NALF1: variants seen among roughly 807,000 people sequenced by gnomAD.
NALF1 encodes NALCN channel auxiliary factor 1.
Under a neutral mutation model 48.4 loss-of-function variants are expected in NALF1, and 3 were observed. The observed-to-expected ratio is 0.06, with a 90% confidence interval of 0.03 to 0.16. The LOEUF is 0.16. Among genes scored for constraint, NALF1 ranks in the 10% least tolerant of loss-of-function variants. NALF1 has a pLI of 1.00. For missense variants in NALF1, 526 were observed against 571.5 expected (o/e 0.92, Z 0.81); for synonymous variants, 262 against 245.7 (o/e 1.07, Z -0.62).
chr13:107,609,108 C>T lies in NALF1; in HGVS notation c.915+256574G>A, dbSNP rs972507119. Reference sequence around the variant, plus strand: ...CCCTGCCGTTGGTATAGCTGGTGCCCCAAAACTTCCACCTCCCTCCCTGGC... The same window carrying T: ...CCCTGCCGTTGGTATAGCTGGTGCCTCAAAACTTCCACCTCCCTCCCTGGC... On this transcript the variant is annotated intron_variant, in intron 1 of 2. Transcript: ENST00000375915. Among the ~76,000 whole-genome samples, 5 of 151,560 alleles carry T rather than the reference C, an allele frequency of 3.3e-5. No individual in the cohort carries two copies. In the South Asian group the frequency reaches 6.3e-4, roughly 19 times the overall value.
intron 1 of NALF1, among the ~76,000 whole-genome samples, chr13:107,722,481 G>C (rs892597377): frequency 6.6e-6 from 1 of 152,156 alleles, no homozygotes; most frequent in Admixed American, 6.5e-5. Flanking sequence ...TGGCCACCTT[G>C]TCTTGGGTGT....
At chr13:107,226,912 C>A (rs1477952674) in intron 1 of NALF1, among the ~76,000 whole-genome samples, 1 of 152,210 alleles carries the variant, frequency 6.6e-6, no homozygotes, top group Non-Finnish European at 1.5e-5. Context: ...AGAACTGATG[C>A]GCCCAGACAT....
chr13:107,849,677 T>G (rs1251143151), intron 1 of NALF1, among the ~76,000 whole-genome samples: 2 of 152,188 alleles, frequency 1.3e-5, no homozygotes, highest in Non-Finnish European at 2.9e-5. Flanking sequence ...ACCTTGGAAG[T>G]CCCAGAACAT....
intron 1 of NALF1, among the ~76,000 whole-genome samples, chr13:107,518,454 A>G (rs946355569): frequency 1.3e-5 from 2 of 152,220 alleles, no homozygotes; most frequent in East Asian, 3.9e-4. Flanking sequence ...CTTAAAAAGA[A>G]AGGAGCTCTC....
intron 1 of NALF1, among the ~76,000 whole-genome samples, chr13:107,623,626 A>G (rs1050208594): frequency 5.3e-5 from 8 of 152,202 alleles, no homozygotes; most frequent in Admixed American, 2.6e-4. Flanking sequence ...CATTGCCCAA[A>G]TCATATGTAG....
intron 1 of NALF1, among the ~76,000 whole-genome samples, chr13:107,642,994 G>A (rs1042793148): frequency 1.3e-5 from 2 of 152,128 alleles, no homozygotes; most frequent in African/African-American, 4.8e-5. Context: ...GCAGGCAGAT[G>A]GCACATATCA....
chr13:107,816,945 CTTTTCCTTTTTATACAT>C lies in NALF1; in HGVS notation c.915+48720_915+48736del, dbSNP rs1160144354. Among the ~76,000 whole-genome samples the C allele has an allele frequency of 5.9e-5, 9 of 152,232 alleles. 1 individual carries two copies. In the East Asian group the frequency reaches 1.7e-3, roughly 29 times the overall value. On this transcript the variant is annotated intron_variant, in intron 1 of 2. Coordinates refer to ENST00000375915, the MANE Select transcript of NALF1 (RefSeq NM_001080396.3). ...TTCCAACTTCATTTTATCATTTCACCTTTTCCTTTTTATACATATGGATTTTGGAGAATTTAATATAA... is the reference window on the plus strand; with the variant it reads ...TTCCAACTTCATTTTATCATTTCACCATGGATTTTGGAGAATTTAATATAA...
rs562871968 is a variant in NALF1, at chr13:107,779,671, C to T, written c.915+86011G>A. ...TCTGCCTTTTAAACTAAGTTTGACA[C>T]TGAATTTTCATACATTAAGCTGAGA... On this transcript the variant is annotated intron_variant, in intron 1 of 2. Coordinates refer to ENST00000375915, the MANE Select transcript of NALF1 (RefSeq NM_001080396.3). Among the ~76,000 whole-genome samples the T allele has an allele frequency of 6.5e-4, 99 of 151,986 alleles. 1 individual carries two copies. The highest frequency in any genetic ancestry group is 2.1e-3 in the African/African-American group (87 of 41,444).
chr13:107,209,782 A>T (rs1364884391), intron 2 of NALF1, among the ~76,000 whole-genome samples: 1 of 152,152 alleles, frequency 6.6e-6, no homozygotes, highest in Non-Finnish European at 1.5e-5. Flanking sequence ...AGCTTGAGCC[A>T]CGTAATTCCA....
At chr13:107,659,388 T>G (rs1048776399) in intron 1 of NALF1, among the ~76,000 whole-genome samples, 1 of 152,168 alleles carries the variant, frequency 6.6e-6, no homozygotes, top group African/African-American at 2.4e-5. Flanking sequence ...AAGTAGCATG[T>G]CTTCCACATT....
chr13:107,218,649 A>T (rs1879928261), intron 1 of NALF1, among the ~76,000 whole-genome samples: 1 of 152,232 alleles, frequency 6.6e-6, no homozygotes, highest in Non-Finnish European at 1.5e-5. Context: ...AAAACTAAAG[A>T]AATAAATTTT....
intron 1 of NALF1, among the ~76,000 whole-genome samples, chr13:107,426,048 T>G (rs1884274128): frequency 6.6e-6 from 1 of 152,200 alleles, no homozygotes; most frequent in East Asian, 1.9e-4. Context: ...CTCAGGACCT[T>G]ACTCGCTGCT....
At chr13:107,843,735 C>A (rs2138636937) in intron 1 of NALF1, among the ~76,000 whole-genome samples, 1 of 151,992 alleles carries the variant, frequency 6.6e-6, no homozygotes, top group Non-Finnish European at 1.5e-5. Flanking sequence ...GTATGGAGGC[C>A]AGAATGACCA....
intron 1 of NALF1, among the ~76,000 whole-genome samples, chr13:107,783,116 G>A (rs1212475908): frequency 1.5e-5 from 2 of 137,258 alleles, no homozygotes; most frequent in Non-Finnish European, 3.1e-5. Context: ...GGTGAGGGGC[G>A]CCTCTGCCCG....
At chr13:107,775,187 C>A (rs1163519695) in intron 1 of NALF1, among the ~76,000 whole-genome samples, 1 of 148,926 alleles carries the variant, frequency 6.7e-6, no homozygotes, top group Non-Finnish European at 1.5e-5. Context: ...GTATATCTCC[C>A]AGTGCTATCC....
intron 1 of NALF1, among the ~76,000 whole-genome samples, chr13:107,476,861 G>A (rs1285294328): frequency 6.6e-6 from 1 of 151,988 alleles, no homozygotes; most frequent in Non-Finnish European, 1.5e-5. Context: ...GAGGTATTTA[G>A]AAGCTCAGGG....
chr13:107,495,933 T>C (rs568396378), intron 1 of NALF1, among the ~76,000 whole-genome samples: 1 of 152,282 alleles, frequency 6.6e-6, no homozygotes, highest in Admixed American at 6.5e-5. Context: ...GCAAGGAGAC[T>C]TGAGAGGGAT....
intron 1 of NALF1, chr13:107,465,902 TC>T (rs2139047118): frequency 6.6e-6 from 1 of 152,456 alleles, no homozygotes; most frequent in Admixed American, 6.5e-5. Flanking sequence ...AAGGCACTAT[TC>T]ACATTCATAA....
intron 1 of NALF1, among the ~76,000 whole-genome samples, chr13:107,827,497 C>T (rs562732479): frequency 3.3e-5 from 5 of 152,290 alleles, no homozygotes; most frequent in Admixed American, 3.3e-4. Flanking sequence ...GGAGCTAAAT[C>T]CAGTGCTTCC....
Sources: gnomAD v4.1 joint callset for allele counts (sites outside exome capture counted in the v4.1 genomes callset) on GRCh38, gnomAD v4.1.1 for gene constraint, MANE v1.5 for transcripts, NCBI Gene and HGNC (gene_info 2026-07-23, HGNC 2026-07-21) for gene names.